The following WWP1 variants were observed in gnomAD, a reference collection of about 807,000 sequenced individuals.
WWP1 encodes the protein NEDD4-like E3 ubiquitin-protein ligase WWP1.
Under a neutral mutation model 130.6 loss-of-function variants are expected in WWP1, and 49 were observed. The ratio of observed to expected loss-of-function variants is 0.38; its 90% confidence interval spans 0.30 to 0.48. The LOEUF is 0.48. Among genes scored for constraint, WWP1 ranks in the 20% least tolerant of loss-of-function variants. The pLI, the probability that WWP1 is intolerant of heterozygous loss-of-function variation, is 0.99. For synonymous variants in WWP1, 332 were observed against 367.8 expected, an observed-to-expected ratio of 0.90 and a Z score of 1.11; for missense variants, 809 against 1,100.6, an observed-to-expected ratio of 0.74 and a Z score of 3.75.
chr8:86,453,406 T>G (rs1489676040), intron 21 of WWP1, among the ~76,000 whole-genome samples: 2 of 152,112 alleles, frequency 1.3e-5, no homozygotes, highest in East Asian at 3.8e-4. Flanking sequence ...CATTATAGAG[T>G]ATTATGTACA....
chr8:86,396,064 G>C (rs1052001466), intron 5 of WWP1, among the ~76,000 whole-genome samples: 2 of 151,784 alleles, frequency 1.3e-5, no homozygotes, highest in African/African-American at 4.8e-5. Flanking sequence ...TTCAGATATT[G>C]ATTTTTAGAG....
chr8:86,447,362 G>A (rs1183164395), intron 18 of WWP1, among the ~76,000 whole-genome samples: 2 of 152,162 alleles, frequency 1.3e-5, no homozygotes, highest in Non-Finnish European at 2.9e-5. Flanking sequence ...CACCTCCCAG[G>A]TTCAAGCAAT....
chr8:86,380,207 A>G (rs993584882), intron 3 of WWP1, among the ~76,000 whole-genome samples: 14 of 152,172 alleles, frequency 9.2e-5, no homozygotes, highest in African/African-American at 2.7e-4. Flanking sequence ...TACAATATGG[A>G]TGAACCTCAA....
In WWP1 at chr8:86,402,008, T is replaced by G; in HGVS notation, c.540-11T>G. 1 of 1,548,590 alleles carries G rather than the reference T, an allele frequency of 6.5e-7. No homozygotes were observed. Among genetic ancestry groups the G allele is most frequent in the Non-Finnish European group, 8.7e-7 (1 of 1,144,842 alleles). On this transcript the variant is annotated splice_polypyrimidine_tract_variant and intron_variant, in intron 7 of 24. Coordinates refer to ENST00000517970, the MANE Select transcript of WWP1 (RefSeq NM_007013.4). ...ACTTAAATGATTGAAATAAGGCATT[T>G]TTTTTTCAAGGTTGGCTGTTGAAGG...
At chr8:86,443,078 T>A (rs1175785444) in intron 18 of WWP1, among the ~76,000 whole-genome samples, 2 of 152,098 alleles carry the variant, frequency 1.3e-5, no homozygotes, top group South Asian at 2.1e-4. Context: ...ATAGAAAAAA[T>A]TTTAATTCTT....
intron 20 of WWP1, among the ~76,000 whole-genome samples, chr8:86,451,006 G>A (rs1031828393): frequency 4.0e-5 from 6 of 151,548 alleles, no homozygotes; most frequent in African/African-American, 1.2e-4. Flanking sequence ...GAGCCCAGGA[G>A]TTCAAGACCA....
chr8:86,348,464 C>T (rs1200606266), intron 1 of WWP1, among the ~76,000 whole-genome samples: 1 of 152,038 alleles, frequency 6.6e-6, no homozygotes, highest in Non-Finnish European at 1.5e-5. Context: ...GTGATCTGCC[C>T]GCCTCAGCCT....
At chr8:86,410,425 A>G (rs1179133518) in intron 8 of WWP1, among the ~76,000 whole-genome samples, 1 of 152,038 alleles carries the variant, frequency 6.6e-6, no homozygotes, top group Non-Finnish European at 1.5e-5. Context: ...TGTACGTGGT[A>G]TTTCTAATGT....
At chr8:86,401,140 T>C (rs1405251755) in intron 7 of WWP1, among the ~76,000 whole-genome samples, 1 of 152,138 alleles carries the variant, frequency 6.6e-6, no homozygotes, top group Non-Finnish European at 1.5e-5. Flanking sequence ...ATTTTTATAG[T>C]TCTGGGGTAT....
At chr8:86,415,629 C>T (rs1808845512) in intron 9 of WWP1, among the ~76,000 whole-genome samples, 2 of 152,100 alleles carry the variant, frequency 1.3e-5, no homozygotes, top group Non-Finnish European at 1.5e-5. Flanking sequence ...AAATCTTTAT[C>T]GAGATACAGA....
intron 1 of WWP1, chr8:86,343,395 C>A: frequency 6.6e-6 from 1 of 152,260 alleles, no homozygotes. Context: ...TTATCACTCT[C>A]CGTTCTTCAC....
chr8:86,409,225 T>C (rs1808445125), intron 8 of WWP1, among the ~76,000 whole-genome samples: 1 of 141,202 alleles, frequency 7.1e-6, no homozygotes. Flanking sequence ...TCTTTTTCTT[T>C]CTTTTTTTTT....
chr8:86,349,200 G>A (rs563242842), intron 1 of WWP1, among the ~76,000 whole-genome samples: 2 of 152,190 alleles, frequency 1.3e-5, no homozygotes, highest in Non-Finnish European at 2.9e-5. Context: ...TTTTGTATTA[G>A]TAGAGATGGG....
chr8:86,452,191 C>T (rs895592936), intron 20 of WWP1, among the ~76,000 whole-genome samples: 7 of 151,938 alleles, frequency 4.6e-5, no homozygotes, highest in South Asian at 2.1e-4. Flanking sequence ...TGTTCCTTCC[C>T]GGTGGGCACA....
intron 1 of WWP1, among the ~76,000 whole-genome samples, chr8:86,355,500 T>C (rs905039781): frequency 7.2e-5 from 11 of 152,228 alleles, no homozygotes; most frequent in African/African-American, 2.7e-4. Flanking sequence ...TATTAAAATA[T>C]CAGTTTGAAT....
rs1216240897 is a variant in WWP1 at position 86,459,090 on chromosome 8, C to T, written c.2499+1065C>T. Among the ~76,000 whole-genome samples the T allele has an allele frequency of 1.2e-4, 15 of 126,790 alleles. No individual in the cohort carries two copies. The Admixed American group carries it at 1.5e-3, about 13-fold the overall frequency. 83.2% of individuals were successfully genotyped at this position (126,790 alleles called of 152,430 possible). The stretch of plus-strand genomic sequence containing the variant: ...TATTGCCTAGGCTGGAGTGCAGTGA[C>T]AGGATCTCAGCTCATTGCACCCTCT... On this transcript the variant is annotated intron_variant, in intron 22 of 24. Transcript: ENST00000517970.
chr8:86,454,363 A>T (rs987078397), intron 21 of WWP1, among the ~76,000 whole-genome samples: 2 of 151,876 alleles, frequency 1.3e-5, no homozygotes, highest in Non-Finnish European at 2.9e-5. Context: ...GAATCTGCTG[A>T]TACGAAAGCT....
At chr8:86,408,766 C>T (rs773085476) in intron 8 of WWP1, among the ~76,000 whole-genome samples, 16 of 151,940 alleles carry the variant, frequency 1.1e-4, no homozygotes, top group Non-Finnish European at 2.2e-4. Context: ...AAAATTTAGC[C>T]GGGTGTGGTG....
chr8:86,447,821 G>A (rs576674176), intron 18 of WWP1, among the ~76,000 whole-genome samples: 1 of 152,200 alleles, frequency 6.6e-6, no homozygotes, highest in African/African-American at 2.4e-5. Flanking sequence ...GGTGCACAGG[G>A]CCCTTTTATA....
Sources: allele counts gnomAD v4.1 joint callset (sites outside exome capture counted in the v4.1 genomes callset), GRCh38; gene constraint gnomAD v4.1.1; transcripts MANE v1.5; gene names NCBI Gene and HGNC (gene_info 2026-07-23, HGNC 2026-07-21).